DACT2: variants seen among roughly 807,000 people sequenced by gnomAD.
DACT2 encodes the protein dishevelled binding antagonist of beta catenin 2.
In DACT2, 20 loss-of-function variants were observed where a neutral mutation model predicts 22.2. That is an observed-to-expected ratio of 0.90 (90% CI 0.63 to 1.31). DACT2 has a LOEUF of 1.31. DACT2 is among the 50% of genes most tolerant of loss of function. The probability of loss-of-function intolerance (pLI) is 0.00; values close to 1 mark genes in which losing one functional copy is unlikely to be tolerated. For synonymous variants in DACT2, 463 were observed against 479.8 expected (o/e 0.96, Z 0.46); for missense variants, 1,048 against 1,061.4 (o/e 0.99, Z 0.18).
intron 3 of DACT2, among the ~76,000 whole-genome samples, chr6:168,300,758 G>A (rs1779087868): frequency 1.3e-5 from 2 of 152,122 alleles, no homozygotes; most frequent in Non-Finnish European, 2.9e-5. Flanking sequence ...AGGCCAAGGT[G>A]GGTGGATTAC....
chr6:168,314,782 C>T (rs1332686640), intron 1 of DACT2, among the ~76,000 whole-genome samples: 3 of 152,162 alleles, frequency 2.0e-5, no homozygotes, highest in East Asian at 1.9e-4. Flanking sequence ...ACAAAGGAAA[C>T]ATTCTATGCC....
At chr6:168,309,718 C>G (rs573137317) in intron 3 of DACT2, among the ~76,000 whole-genome samples, 1 of 152,328 alleles carries the variant, frequency 6.6e-6, no homozygotes, top group African/African-American at 2.4e-5. Context: ...ATTACTAAAC[C>G]AGGCCTTGTA....
chr6:168,308,095 C>A lies in DACT2; in HGVS notation c.1662G>T (p.Trp554Cys). 7.1e-6 allele frequency: 11 copies of A among 1,545,098 alleles called. No individual in the cohort carries two copies. Among genetic ancestry groups the A allele is most frequent in the Non-Finnish European group, 9.6e-6 (11 of 1,143,346 alleles). Residue 554 changes from tryptophan to cysteine, a missense_variant, in exon 4 of 4, where the codon TGG becomes TGT. Transcript: ENST00000366795. ...GGLQRRPALA[W>C]EAPGRSCSES... Reference sequence around the variant, plus strand: ...CAGAACAGGAGCGCCCGGGTGCCTCCCAGGCCAGGGCTGGCCTCCGCTGGA... The same window carrying A: ...CAGAACAGGAGCGCCCGGGTGCCTCACAGGCCAGGGCTGGCCTCCGCTGGA...
At chr6:168,297,854 A>C (rs1233862284) in intron 3 of DACT2, among the ~76,000 whole-genome samples, 2 of 152,252 alleles carry the variant, frequency 1.3e-5, no homozygotes, top group African/African-American at 4.8e-5. Flanking sequence ...TGGCCCAGTC[A>C]AGGGCAGCAC....
intron 3 of DACT2, chr6:168,294,763 C>A: frequency 1.4e-6 from 1 of 704,826 alleles, no homozygotes; most frequent in Non-Finnish European, 2.1e-6. Flanking sequence ...GCAGCTTCAA[C>A]GATTCTGCGA....
exon 6 of DACT2, chr6:168,293,479 A>T (rs183418632): frequency 2.6e-4 from 31 of 121,236 alleles, no homozygotes; most frequent in African/African-American, 7.7e-4. Context: ...AAGGGGCTTT[A>T]AAAAAAAATA....
At position 168,308,458 on chromosome 6, in the gene DACT2, G is replaced by A. The variant is rs370520754; in HGVS notation, c.1299C>T (p.Leu433=). Reference sequence around the variant, plus strand: ...GAGAAGCCTGCACCATGGTCTCCCTGAGGACACAGCTGTTTGAGGGCTTGG... The same window carrying A: ...GAGAAGCCTGCACCATGGTCTCCCTAAGGACACAGCTGTTTGAGGGCTTGG... ...EGSKPSNSCV[L]RETMVQASPS... The change falls in exon 4 of 4, where the codon CTC becomes CTT. Residue 433 remains leucine (L), a synonymous_variant. Coordinates refer to ENST00000366795, the MANE Select transcript of DACT2 (RefSeq NM_214462.5). 249 of 1,551,678 alleles carry A rather than the reference G, an allele frequency of 1.6e-4. 1 individual carries two copies. In the African/African-American group the frequency reaches 3.1e-3, roughly 19 times the overall value.
chr6:168,308,767 G>A lies in DACT2; in HGVS notation c.990C>T (p.Ala330=), dbSNP rs1333708172. ...GPVLEAGPAR[A]RAYIDRLLHL... The stretch of plus-strand genomic sequence containing the variant: ...GCAGCAACCTGTCGATATAAGCTCT[G>A]GCCCTGGCCGGGCCAGCCTCGAGGA... The change falls in exon 4 of 4, where the codon GCC becomes GCT. Residue 330 remains alanine, a synonymous_variant. Coordinates refer to ENST00000366795, the MANE Select transcript of DACT2 (RefSeq NM_214462.5). 1.3e-6 allele frequency: 2 copies of A among 1,551,300 alleles called. No individual in the cohort carries two copies. Among genetic ancestry groups the A allele is most frequent in the Admixed American group, 3.9e-5 (2 of 51,006 alleles).
chr6:168,308,194 A>G lies in DACT2; in HGVS notation c.1563T>C (p.Pro521=). 1 of 1,551,548 alleles carries G rather than the reference A, an allele frequency of 6.4e-7. No individual in the cohort carries two copies. Among genetic ancestry groups the G allele is most frequent in the Non-Finnish European group, 8.7e-7 (1 of 1,147,028 alleles). ...ARQPLLLLDR[P]EGAHAAPQPS... ...GCTGGGGGGCTGCATGGGCTCCCTC[A>G]GGCCTGTCCAGTAGAAGCAGCGGCT... Residue 521 remains proline (P), a synonymous_variant, in exon 4 of 4, where the codon CCT becomes CCC. Transcript: ENST00000366795.
chr6:168,313,065 T>G (rs1344267764), intron 1 of DACT2, among the ~76,000 whole-genome samples: 1 of 152,112 alleles, frequency 6.6e-6, no homozygotes, highest in Non-Finnish European at 1.5e-5. Context: ...TATTTTTTTT[T>G]AGACGGAGTC....
intron 3 of DACT2, 63 bp from the exon 4 acceptor site, chr6:168,309,161 C>T: frequency 2.8e-6 from 4 of 1,446,092 alleles, no homozygotes; most frequent in Non-Finnish European, 3.6e-6. Flanking sequence ...CTGTTGATTT[C>T]ATTTCATGCG....
chr6:168,294,597 A>ATATATATATATATATATATATATATG (rs1778977254), intron 4 of DACT2: 1 of 690,850 alleles, frequency 1.4e-6, no homozygotes, highest in African/African-American at 2.5e-5. Flanking sequence ...ATATATATAT[A>ATATATATATATATATATATATATATG]TATATACACA....
intron 3 of DACT2, chr6:168,299,689 A>C (rs1246807078): frequency 1.3e-5 from 2 of 152,164 alleles, no homozygotes; most frequent in African/African-American, 2.4e-5. Flanking sequence ...CTTTCAGCGA[A>C]CTCAGCGAAC....
rs553485069 is a variant in DACT2 at position 168,318,529 on chromosome 6, T to C, written c.246+859A>G. 3.3e-5 allele frequency among the ~76,000 whole-genome samples: 5 copies of C among 152,372 alleles called. 1 individual carries two copies. The highest frequency in any genetic ancestry group is 1.2e-4 in the African/African-American group (5 of 41,596). ...AATGTAAAAGAAATTTCACTTAGTG[T>C]AACAGAGGTAACACAAGTAAACATA... On this transcript the variant is annotated intron_variant, in intron 1 of 3. Transcript: ENST00000366795.
intron 3 of DACT2, chr6:168,299,706 C>T (rs900341424): frequency 1.3e-5 from 2 of 152,290 alleles, no homozygotes; most frequent in African/African-American, 4.8e-5. Context: ...GAACCGAGTC[C>T]CCACGTGCCA....
At chr6:168,301,764 G>A (rs959051141) in intron 3 of DACT2, among the ~76,000 whole-genome samples, 8 of 152,158 alleles carry the variant, frequency 5.3e-5, no homozygotes, top group South Asian at 2.1e-4. Flanking sequence ...CACTCACTGC[G>A]GCAAGCCCTG....
chr6:168,309,037 C>G lies in DACT2; in HGVS notation c.720G>C (p.Glu240Asp), dbSNP rs1285388334. The part of the protein sequence containing the change: ...TGLQKASADA[E>D]LLGLLCQGVD... ...CCCCCTGGCAGAGGAGCCCGAGGAG[C>G]TCGGCGTCCGCGCTGGCTTTCTGGA... Residue 240 changes from glutamate to aspartate, a missense_variant, in exon 4 of 4, where the codon GAG becomes GAC. By Grantham distance (45) the Glu-to-Asp change is conservative. Transcript: ENST00000366795. The G allele has an allele frequency of 1.3e-6, 2 of 1,544,902 alleles. No homozygotes were observed. The highest frequency in any genetic ancestry group is 2.7e-5 in the African/African-American group (2 of 73,180).
At chr6:168,311,863 G>A (rs996890714) in intron 1 of DACT2, among the ~76,000 whole-genome samples, 7 of 152,138 alleles carry the variant, frequency 4.6e-5, no homozygotes, top group Admixed American at 3.9e-4. Context: ...GTTTTGCTGC[G>A]TTTTTCAGCC....
intron 3 of DACT2, among the ~76,000 whole-genome samples, chr6:168,296,817 C>G (rs577884185): frequency 6.6e-6 from 1 of 152,092 alleles, no homozygotes; most frequent in African/African-American, 2.4e-5. Flanking sequence ...TGACATTGAC[C>G]CAAAACCCTG....
Sources: allele counts gnomAD v4.1 joint callset (sites outside exome capture counted in the v4.1 genomes callset), GRCh38; gene constraint gnomAD v4.1.1; transcripts MANE v1.5; gene names NCBI Gene and HGNC (gene_info 2026-07-23, HGNC 2026-07-21).